The following PPM1L variants were observed in gnomAD, a reference collection of about 807,000 sequenced individuals.
PPM1L encodes protein phosphatase, Mg2+/Mn2+ dependent 1L.
In PPM1L, 13 loss-of-function variants were observed where a neutral mutation model predicts 31.4. The ratio of observed to expected loss-of-function variants is 0.41; its 90% CI spans 0.27 to 0.66. The LOEUF is 0.66. Among genes scored for constraint, PPM1L ranks in the 30% least tolerant of loss-of-function variants. The probability of loss-of-function intolerance (pLI) is 0.29; values close to 1 mark genes in which losing one functional copy is unlikely to be tolerated. For missense variants in PPM1L, 326 were observed against 453.7 expected (o/e 0.72, Z 2.56); for synonymous variants, 184 against 175.4 (o/e 1.05, Z -0.39).
At chr3:161,065,362 A>G (rs543897287) in intron 2 of PPM1L, 41 bp from the exon 3 acceptor site, 2 of 1,595,410 alleles carry the variant, frequency 1.3e-6, no homozygotes, top group African/African-American at 1.3e-5. Context: ...ACCTGAATGC[A>G]CTGCTGACCT....
chr3:160,921,840 G>T (rs1053012704), intron 1 of PPM1L, among the ~76,000 whole-genome samples: 2 of 148,878 alleles, frequency 1.3e-5, no homozygotes, highest in Non-Finnish European at 3.0e-5. Flanking sequence ...TAAAAATTCA[G>T]TTAACTAAGG....
chr3:160,942,564 G>A (rs1165459790), intron 1 of PPM1L, among the ~76,000 whole-genome samples: 1 of 152,150 alleles, frequency 6.6e-6, no homozygotes, highest in African/African-American at 2.4e-5. Context: ...ATGACACTGA[G>A]TTTTTTATTC....
intron 1 of PPM1L, among the ~76,000 whole-genome samples, chr3:160,816,020 A>G (rs1028704546): frequency 2.0e-5 from 3 of 152,116 alleles, no homozygotes; most frequent in Admixed American, 6.6e-5. Context: ...CTCCTTTTCT[A>G]TTTTTTGCAT....
intron 2 of PPM1L, among the ~76,000 whole-genome samples, chr3:160,999,005 G>A (rs1266364667): frequency 6.6e-6 from 1 of 152,156 alleles, no homozygotes; most frequent in African/African-American, 2.4e-5. Flanking sequence ...TGTTTTCTCA[G>A]TTAAGGCTAC....
chr3:160,880,641 A>C (rs1018905883), intron 1 of PPM1L, among the ~76,000 whole-genome samples: 4 of 152,118 alleles, frequency 2.6e-5, no homozygotes, highest in African/African-American at 9.7e-5. Flanking sequence ...AAAAAAAAAA[A>C]AGTCAAGGAA....
chr3:160,769,384 A>G (rs1715189557), intron 1 of PPM1L, among the ~76,000 whole-genome samples: 1 of 152,192 alleles, frequency 6.6e-6, no homozygotes, highest in South Asian at 2.1e-4. Context: ...GACTTCAGAA[A>G]AGAGTAAACC....
At chr3:160,851,341 A>G (rs527898752) in intron 1 of PPM1L, among the ~76,000 whole-genome samples, 2 of 152,326 alleles carry the variant, frequency 1.3e-5, no homozygotes, top group African/African-American at 2.4e-5. Context: ...CAGTGATTCT[A>G]TTATTTTCTT....
In PPM1L at chr3:160,972,966, T is replaced by C. The variant is rs1716404024; in HGVS notation, c.574+11056T>C. Among the ~76,000 whole-genome samples, 6 of 152,346 alleles carry C rather than the reference T, an allele frequency of 3.9e-5. No homozygotes were observed. The South Asian group carries it at 1.2e-3, about 32-fold the overall frequency. On this transcript the variant is annotated intron_variant, in intron 2 of 3. Coordinates refer to ENST00000498165, the MANE Select transcript of PPM1L (RefSeq NM_139245.4). ...TGATGGCCAGTGATGATGAGCATTT[T>C]TTCATGTGTTTTTTGGCTGCATAAA... is the stretch of plus-strand genomic sequence containing the variant.
At chr3:160,777,505 TAAAC>T (rs990504743) in intron 1 of PPM1L, among the ~76,000 whole-genome samples, 21 of 152,286 alleles carry the variant, frequency 1.4e-4, no homozygotes, top group Admixed American at 1.1e-3. Context: ...CTATACCTAT[TAAAC>T]AACTCCCTAT....
intron 1 of PPM1L, among the ~76,000 whole-genome samples, chr3:160,833,641 ATTTG>A (rs1479454516): frequency 6.6e-6 from 1 of 151,654 alleles, no homozygotes; most frequent in Non-Finnish European, 1.5e-5. Context: ...TTTCTTGTAA[ATTTG>A]TTTAAGTTCC....
chr3:160,945,807 C>T (rs115139802), intron 1 of PPM1L, among the ~76,000 whole-genome samples: 458 of 152,174 alleles, frequency 3.0e-3, no homozygotes, highest in Middle Eastern at 0.01. Context: ...ATGAAGATAA[C>T]GAGGATGAGA....
At chr3:160,965,491 G>T (rs9813700) in intron 2 of PPM1L, among the ~76,000 whole-genome samples, 69,126 of 151,764 alleles carry the variant, frequency 0.46, 16,909 homozygotes, top group East Asian at 0.73. Flanking sequence ...TTATAAAATA[G>T]ACTTTGTGTT....
intron 1 of PPM1L, among the ~76,000 whole-genome samples, chr3:160,895,847 G>C (rs913982763): frequency 6.6e-6 from 1 of 152,108 alleles, no homozygotes; most frequent in Admixed American, 6.5e-5. Flanking sequence ...TTTTTAAATT[G>C]GTACCTAGGG....
At chr3:161,066,072 C>T (rs1360635013) in intron 3 of PPM1L, among the ~76,000 whole-genome samples, 1 of 152,232 alleles carries the variant, frequency 6.6e-6, no homozygotes, top group African/African-American at 2.4e-5. Context: ...CCTATGTGGA[C>T]GTCTTGGGTC....
chr3:160,974,367 A>G lies in PPM1L; in HGVS notation c.574+12457A>G, dbSNP rs571672649. Among the ~76,000 whole-genome samples, 214 of 152,232 alleles carry G rather than the reference A, an allele frequency of 1.4e-3. 1 individual carries two copies. The highest frequency in any genetic ancestry group is 6.8e-3 in the Middle Eastern group (2 of 294). On this transcript the variant is annotated intron_variant, in intron 2 of 3. Transcript: ENST00000498165. ...GTGTCTTTATAGCAGCATGATTTAT[A>G]GTTGTGTGGGTGTATATCCAGTAAT...
At chr3:161,004,925 G>C (rs1717650361) in intron 2 of PPM1L, among the ~76,000 whole-genome samples, 1 of 152,052 alleles carries the variant, frequency 6.6e-6, no homozygotes, top group Non-Finnish European at 1.5e-5. Flanking sequence ...TCTTTTAATT[G>C]TGATGTTAGG....
At chr3:161,061,760 G>A (rs1041519162) in intron 2 of PPM1L, among the ~76,000 whole-genome samples, 1 of 152,052 alleles carries the variant, frequency 6.6e-6, no homozygotes, top group Non-Finnish European at 1.5e-5. Flanking sequence ...TCTATAGGGG[G>A]TCTAGAACCA....
intron 1 of PPM1L, among the ~76,000 whole-genome samples, chr3:160,781,517 C>T (rs189690480): frequency 9.2e-5 from 14 of 152,304 alleles, no homozygotes; most frequent in Admixed American, 5.2e-4. Flanking sequence ...GCTGCACAGA[C>T]CTCTTAGATG....
intron 1 of PPM1L, among the ~76,000 whole-genome samples, chr3:160,851,933 A>G (rs1167592649): frequency 6.6e-6 from 1 of 152,168 alleles, no homozygotes; most frequent in Non-Finnish European, 1.5e-5. Flanking sequence ...ATTGTTTTTG[A>G]CGTCCTGTCG....
Sources: gnomAD v4.1 joint callset for allele counts (sites outside exome capture counted in the v4.1 genomes callset) on GRCh38, gnomAD v4.1.1 for gene constraint, MANE v1.5 for transcripts, NCBI Gene and HGNC (gene_info 2026-07-23, HGNC 2026-07-21) for gene names.